Variants in PTBP2 observed in about 807,000 individuals in gnomAD.
PTBP2 encodes polypyrimidine tract binding protein 2.
Under a neutral mutation model 61.4 loss-of-function variants are expected in PTBP2, and 13 were observed. That is an observed-to-expected ratio of 0.21 (90% CI 0.14 to 0.34). The LOEUF is 0.34. PTBP2 is among the 10% of genes least tolerant of loss of function. PTBP2 has a pLI of 1.00. For synonymous variants in PTBP2, 215 were observed against 218.5 expected, an observed-to-expected ratio of 0.98 and a Z score of 0.14; for missense variants, 405 against 642.6, an observed-to-expected ratio of 0.63 and a Z score of 4.00.
At chr1:96,776,499 T>C (rs192946929) in intron 5 of PTBP2, among the ~76,000 whole-genome samples, 1 of 152,090 alleles carries the variant, frequency 6.6e-6, no homozygotes, top group East Asian at 1.9e-4. Context: ...TGATCTGTGG[T>C]TATATAATAT....
In PTBP2 at chr1:96,726,939, A is replaced by G. The variant is rs543540124; in HGVS notation, c.39+3345A>G. On this transcript the variant is annotated intron_variant, in intron 2 of 13. Transcript: ENST00000674951. The stretch of plus-strand genomic sequence containing the variant: ...TGAGATATAATTTGACATAAAATAA[A>G]CTACCCATATTAAATATACAATGTT... 4.6e-5 allele frequency among the ~76,000 whole-genome samples: 7 copies of G among 152,284 alleles called. No homozygotes were observed. In the South Asian group the frequency reaches 1.2e-3, roughly 27 times the overall value.
chr1:96,778,770 A>G (rs987786572), intron 7 of PTBP2, among the ~76,000 whole-genome samples: 1 of 152,074 alleles, frequency 6.6e-6, no homozygotes, highest in Non-Finnish European at 1.5e-5. Flanking sequence ...TGTCTCTAAT[A>G]CTTAAATGCT....
intron 5 of PTBP2, among the ~76,000 whole-genome samples, chr1:96,776,234 A>G (rs1385658337): frequency 6.6e-6 from 1 of 152,036 alleles, no homozygotes; most frequent in Non-Finnish European, 1.5e-5. Flanking sequence ...TGAAGAAGAT[A>G]ATATTGCAAT....
At chr1:96,788,573 T>G (rs955589278) in intron 8 of PTBP2, among the ~76,000 whole-genome samples, 1 of 152,076 alleles carries the variant, frequency 6.6e-6, no homozygotes. Context: ...GGGATTAACT[T>G]CCTGCTCAGT....
At position 96,814,336 on chromosome 1, in the gene PTBP2, C is replaced by A; in HGVS notation, c.*931C>A. On this transcript the variant is annotated 3_prime_UTR_variant, in exon 14 of 14. Transcript: ENST00000674951. ...CATGTGCAGACTGGTCTAGCTAGTT[C>A]AGGAACTGGTGCATGTATTTTTCAA... 6.6e-6 allele frequency: 1 copy of A among 152,456 alleles called. No homozygotes were observed. Among genetic ancestry groups the A allele is most frequent in the Non-Finnish European group, 1.5e-5 (1 of 67,964 alleles). The allele number at this position is 152,456 out of a possible 1,614,324, so 9.4% of individuals were successfully genotyped here.
At chr1:96,799,876 C>T (rs1311376344) in intron 8 of PTBP2, among the ~76,000 whole-genome samples, 1 of 151,926 alleles carries the variant, frequency 6.6e-6, no homozygotes, top group African/African-American at 2.4e-5. Flanking sequence ...CTAAAAATAC[C>T]TGATTGACAA....
intron 5 of PTBP2, chr1:96,771,400 T>C (rs1657364653): frequency 2.0e-5 from 3 of 151,946 alleles, no homozygotes. Context: ...ATCTAAAACT[T>C]TAGCTGTTTT....
chr1:96,739,057 C>A (rs979597037), intron 2 of PTBP2, among the ~76,000 whole-genome samples: 2 of 152,092 alleles, frequency 1.3e-5, no homozygotes, highest in African/African-American at 4.8e-5. Flanking sequence ...TTGACAAATG[C>A]ATACAATTTA....
intron 2 of PTBP2, among the ~76,000 whole-genome samples, chr1:96,741,229 T>C (rs867642467): frequency 6.6e-6 from 1 of 151,692 alleles, no homozygotes; most frequent in South Asian, 2.1e-4. Context: ...TGTTTTGTTA[T>C]TTTTTTTGGT....
At chr1:96,781,325 C>T (rs556948810) in intron 7 of PTBP2, among the ~76,000 whole-genome samples, 11 of 152,056 alleles carry the variant, frequency 7.2e-5, no homozygotes, top group African/African-American at 2.7e-4. Context: ...AGTCATATTG[C>T]TTCTAATCAC....
intron 7 of PTBP2, among the ~76,000 whole-genome samples, chr1:96,784,301 C>CCCTTGAAGAAGCATG (rs2101069439): frequency 6.6e-6 from 1 of 152,084 alleles, no homozygotes; most frequent in South Asian, 2.1e-4. Context: ...CTCTTAATAA[C>CCCTTGAAGAAGCATG]CCTTGAAGAA....
chr1:96,728,400 C>T (rs1650892693), intron 2 of PTBP2, among the ~76,000 whole-genome samples: 1 of 152,190 alleles, frequency 6.6e-6, no homozygotes, highest in South Asian at 2.1e-4. Flanking sequence ...TTTGGTTTTG[C>T]ATGGGGATAT....
At chr1:96,821,918 G>T (rs1332179742) in exon 14 of PTBP2, 2 of 151,976 alleles carry the variant, frequency 1.3e-5, no homozygotes, top group Admixed American at 6.6e-5. Flanking sequence ...GTGAGCCACC[G>T]CTCCCAGCCT....
At chr1:96,820,106 T>A (rs1662634959) in exon 14 of PTBP2, 1 of 152,026 alleles carries the variant, frequency 6.6e-6, no homozygotes, top group Non-Finnish European at 1.5e-5. Context: ...CATTATTTTC[T>A]CATCTGTAAA....
At chr1:96,728,988 G>A (rs1650986238) in intron 2 of PTBP2, among the ~76,000 whole-genome samples, 1 of 152,036 alleles carries the variant, frequency 6.6e-6, no homozygotes. Flanking sequence ...CTGAACCTTT[G>A]CTAAACTCAT....
Position 96,769,892 on chromosome 1 carries a change from GTT to G in PTBP2, c.288+19_288+20del, listed in dbSNP as rs761098728. Reference sequence around the variant, plus strand: ...AAAAATCAGGTACACTTCTTTCAGGGTTTATGAAATGTTAAACCCCAAACTAT... The same window carrying G: ...AAAAATCAGGTACACTTCTTTCAGGGTATGAAATGTTAAACCCCAAACTAT... On this transcript the variant is annotated intron_variant, in intron 4 of 13. Coordinates refer to ENST00000674951, the MANE Select transcript of PTBP2 (RefSeq NM_021190.4). 1.5e-5 allele frequency: 23 copies of G among 1,558,454 alleles called. No individual in the cohort carries two copies. Among genetic ancestry groups the G allele is most frequent in the Non-Finnish European group, 2.0e-5 (23 of 1,153,746 alleles).
chr1:96,754,344 C>A (rs908566192), intron 3 of PTBP2, among the ~76,000 whole-genome samples: 1 of 152,034 alleles, frequency 6.6e-6, no homozygotes, highest in Non-Finnish European at 1.5e-5. Flanking sequence ...TTTATGTAAA[C>A]AACAACTTTG....
rs372140226 is a variant in PTBP2, at chr1:96,722,566, A to G, written c.8+694A>G. Among the ~76,000 whole-genome samples, 15 of 152,344 alleles carry G rather than the reference A, an allele frequency of 9.8e-5. No individual in the cohort carries two copies. In the South Asian group the frequency reaches 2.7e-3, roughly 27 times the overall value. ...ATGCCTTTTTGTGGGGACTGAAAAC[A>G]TTCAAGGCTTGGCAAAAGGGCCCAG... On this transcript the variant is annotated intron_variant, in intron 1 of 13. Coordinates refer to ENST00000674951, the MANE Select transcript of PTBP2 (RefSeq NM_021190.4).
At chr1:96,736,505 T>A (rs1182124933) in intron 2 of PTBP2, among the ~76,000 whole-genome samples, 1 of 152,166 alleles carries the variant, frequency 6.6e-6, no homozygotes, top group African/African-American at 2.4e-5. Flanking sequence ...ACTGAGCACT[T>A]GACATGTATG....
Sources: gnomAD v4.1 joint callset for allele counts (sites outside exome capture counted in the v4.1 genomes callset) on GRCh38, gnomAD v4.1.1 for gene constraint, MANE v1.5 for transcripts, NCBI Gene and HGNC (gene_info 2026-07-23, HGNC 2026-07-21) for gene names.